The following CHN2 variants were observed in gnomAD, a reference collection of about 807,000 sequenced individuals.
CHN2 encodes the protein chimerin 2, also known as beta-chimaerin.
In CHN2, 35 loss-of-function variants were observed where a neutral mutation model predicts 56.3. That is an observed-to-expected ratio of 0.62 (90% CI 0.47 to 0.82). The LOEUF (loss-of-function observed/expected upper bound fraction) is 0.82. Ranked by LOEUF, CHN2 falls within the 40% of genes least tolerant of loss-of-function variation. CHN2 has a pLI of 0.00. For synonymous variants in CHN2, 210 were observed against 212.8 expected (o/e 0.99, Z 0.12); for missense variants, 491 against 580.5 (o/e 0.85, Z 1.58).
At chr7:29,454,528 G>T (rs888421663) in intron 6 of CHN2, among the ~76,000 whole-genome samples, 8 of 152,176 alleles carry the variant, frequency 5.3e-5, no homozygotes, top group African/African-American at 1.9e-4. Flanking sequence ...TCCCAGTGAG[G>T]ATGGGCCAGG....
chr7:29,504,633 C>T lies in CHN2; in HGVS notation c.914-111C>T, dbSNP rs548538008. Reference sequence around the variant, plus strand: ...AGTGTGTGATAAATAAAATCACTGTCTATGTTTGCTCATTTTCTGATAGCA... The same window carrying T: ...AGTGTGTGATAAATAAAATCACTGTTTATGTTTGCTCATTTTCTGATAGCA... On this transcript the variant is annotated intron_variant, in intron 9 of 12. Coordinates refer to ENST00000222792, the MANE Select transcript of CHN2 (RefSeq NM_004067.4). The T allele has an allele frequency of 3.2e-5, 22 of 682,776 alleles. No individual in the cohort carries two copies. The African/African-American group carries it at 3.8e-4, about 12-fold the overall frequency. 42.3% of individuals were successfully genotyped at this position (682,776 alleles called of 1,614,324 possible).
intron 1 of CHN2, among the ~76,000 whole-genome samples, chr7:29,340,708 A>G (rs1172587370): frequency 6.6e-6 from 1 of 152,200 alleles, no homozygotes; most frequent in Non-Finnish European, 1.5e-5. Flanking sequence ...ACAGGAGTTC[A>G]CCTACTGAGT....
chr7:29,443,623 T>C (rs1479966657), intron 6 of CHN2, among the ~76,000 whole-genome samples: 2 of 152,224 alleles, frequency 1.3e-5, no homozygotes, highest in African/African-American at 4.8e-5. Context: ...AATAAAGATT[T>C]ATTTCTCACA....
chr7:29,357,960 C>T (rs1193567604), intron 2 of CHN2, among the ~76,000 whole-genome samples: 2 of 152,180 alleles, frequency 1.3e-5, no homozygotes, highest in Non-Finnish European at 2.9e-5. Flanking sequence ...TGATGTCTAA[C>T]TCATTATATC....
intron 6 of CHN2, among the ~76,000 whole-genome samples, chr7:29,451,259 T>G (rs1784383101): frequency 6.6e-6 from 1 of 152,204 alleles, no homozygotes; most frequent in African/African-American, 2.4e-5. Flanking sequence ...ACATGTAACA[T>G]GCTCAGAAAA....
intron 6 of CHN2, among the ~76,000 whole-genome samples, chr7:29,441,514 G>C (rs546709049): frequency 6.6e-6 from 1 of 152,310 alleles, no homozygotes; most frequent in East Asian, 1.9e-4. Context: ...GTCAGAAAGT[G>C]AACAGAGAAC....
rs1244449815 is a variant in CHN2, at chr7:29,367,917, T to C, written c.89-15T>C. The C allele has an allele frequency of 1.2e-6, 2 of 1,606,598 alleles. No homozygotes were observed. On this transcript the variant is annotated splice_polypyrimidine_tract_variant and intron_variant, in intron 2 of 12. Transcript: ENST00000222792. The stretch of plus-strand genomic sequence containing the variant: ...TTCTAATTATTTCTCTCTCTCTCTC[T>C]CTCTTTTTTGGCAGTATATCAGTTA...
intron 1 of CHN2, among the ~76,000 whole-genome samples, chr7:29,348,550 G>A (rs978922294): frequency 6.6e-5 from 10 of 152,014 alleles, no homozygotes; most frequent in East Asian, 1.9e-4. Flanking sequence ...AGAATTACTC[G>A]TTGATATTTG....
intron 9 of CHN2, 112 bp downstream of exon 9, chr7:29,500,152 T>C: frequency 1.3e-6 from 1 of 744,806 alleles, no homozygotes; most frequent in Non-Finnish European, 2.0e-6. Flanking sequence ...GAAAATGACC[T>C]ACGCATGTGT....
chr7:29,511,640 C>G (rs1024069567), intron 12 of CHN2, among the ~76,000 whole-genome samples: 1 of 151,998 alleles, frequency 6.6e-6, no homozygotes, highest in Non-Finnish European at 1.5e-5. Flanking sequence ...AAATAATACT[C>G]AATGGCTAAT....
chr7:29,377,054 G>A (rs1268827600), intron 3 of CHN2, among the ~76,000 whole-genome samples: 1 of 152,200 alleles, frequency 6.6e-6, no homozygotes, highest in Non-Finnish European at 1.5e-5. Flanking sequence ...TTGAGACAGA[G>A]TCTCACTCTG....
At chr7:29,448,431 T>G (rs1039349037) in intron 6 of CHN2, among the ~76,000 whole-genome samples, 16 of 152,138 alleles carry the variant, frequency 1.1e-4, no homozygotes, top group Admixed American at 2.6e-4. Context: ...TTCTCCTAAT[T>G]CTTTCTTTAG....
intron 1 of CHN2, among the ~76,000 whole-genome samples, chr7:29,219,736 T>C (rs1285763503): frequency 6.6e-6 from 1 of 152,170 alleles, no homozygotes; most frequent in Admixed American, 6.5e-5. Context: ...AAGTAGACTT[T>C]AATGCAAAAA....
intron 1 of CHN2, among the ~76,000 whole-genome samples, chr7:29,274,924 A>C (rs1791060037): frequency 6.6e-6 from 1 of 152,184 alleles, no homozygotes; most frequent in Admixed American, 6.5e-5. Flanking sequence ...CCCAGCGCAG[A>C]GGAAAGGGTG....
chr7:29,284,773 G>C (rs1792016215), intron 1 of CHN2, among the ~76,000 whole-genome samples: 1 of 152,234 alleles, frequency 6.6e-6, no homozygotes, highest in Non-Finnish European at 1.5e-5. Flanking sequence ...CTGTGAGCTA[G>C]TGAGTGGGTG....
At chr7:29,498,723 C>T (rs17158136) in intron 8 of CHN2, among the ~76,000 whole-genome samples, 20,913 of 144,998 alleles carry the variant, frequency 0.14, 2,670 homozygotes, top group African/African-American at 0.36. Context: ...TGAATTTTTC[C>T]CTTTCAGAAT....
Position 29,200,485 on chromosome 7 carries a change from T to G in CHN2, c.49+5495T>G, listed in dbSNP as rs1172274718. The stretch of plus-strand genomic sequence containing the variant: ...TCCCCCCTCCCCCCTTCCCCCCCCC[T>G]TTTGTCTCTTTTTCTTCTCTCATCT... On this transcript the variant is annotated intron_variant, in intron 1 of 12. Transcript: ENST00000222792. Among the ~76,000 whole-genome samples, 3 of 53,314 alleles carry G rather than the reference T, an allele frequency of 5.6e-5. No homozygotes were observed. The Admixed American group carries it at 7.8e-4, about 14-fold the overall frequency. The allele number at this position is 53,314 out of a possible 152,430, so 35.0% of individuals were successfully genotyped here. A position where few individuals can be genotyped will look rare whatever the true frequency, so the allele number is the denominator to read the frequency against.
At chr7:29,195,082 G>T in intron 1 of CHN2, 92 bp downstream of exon 1, 1 of 1,355,798 alleles carries the variant, frequency 7.4e-7, no homozygotes. Context: ...CCTACCTGTG[G>T]CCATCCCGCC....
intron 6 of CHN2, among the ~76,000 whole-genome samples, chr7:29,419,332 A>G (rs1804095264): frequency 6.6e-6 from 1 of 152,208 alleles, no homozygotes; most frequent in Non-Finnish European, 1.5e-5. Context: ...ATACACTAAC[A>G]TTAAATTTAT....
Sources: allele counts gnomAD v4.1 joint callset (sites outside exome capture counted in the v4.1 genomes callset), GRCh38; gene constraint gnomAD v4.1.1; transcripts MANE v1.5; gene names NCBI Gene and HGNC (gene_info 2026-07-23, HGNC 2026-07-21).